Variants in RCBTB1 observed in about 807,000 individuals in gnomAD.
RCBTB1 encodes the protein RCC1 and BTB domain-containing protein 1.
Under a neutral mutation model 62.4 loss-of-function variants are expected in RCBTB1, and 46 were observed. The ratio of observed to expected loss-of-function variants is 0.74; its 90% confidence interval spans 0.58 to 0.94. The LOEUF is 0.94. Ranked by LOEUF, RCBTB1 falls within the 40% of genes least tolerant of loss-of-function variation. The pLI is 0.00. For missense variants in RCBTB1, 565 were observed against 654.9 expected (o/e 0.86, Z 1.50); for synonymous variants, 222 against 245.8 (o/e 0.90, Z 0.91).
At chr13:49,541,046 A>G in intron 11 of RCBTB1, 40 bp from the exon 12 acceptor site, 1 of 1,569,938 alleles carries the variant, frequency 6.4e-7, no homozygotes, top group Non-Finnish European at 8.7e-7. Context: ...CAAATGTATA[A>G]TAATTTCCAA....
At chr13:49,553,723 A>AGG (rs1019119182) in intron 6 of RCBTB1, among the ~76,000 whole-genome samples, 1 of 152,164 alleles carries the variant, frequency 6.6e-6, no homozygotes, top group Non-Finnish European at 1.5e-5. Context: ...TGGAGCGGAA[A>AGG]GGGGGAATGG....
intron 2 of RCBTB1, among the ~76,000 whole-genome samples, chr13:49,575,803 G>A (rs1328025540): frequency 6.6e-6 from 1 of 152,120 alleles, no homozygotes; most frequent in African/African-American, 2.4e-5. Context: ...CTCACTACCT[G>A]GGTGACGGAA....
intron 2 of RCBTB1, among the ~76,000 whole-genome samples, chr13:49,571,392 A>G (rs988867041): frequency 2.0e-5 from 3 of 152,212 alleles, no homozygotes; most frequent in African/African-American, 7.2e-5. Context: ...GCATTCCGCA[A>G]AATGCTTCTG....
chr13:49,544,207 C>A (rs1317909481), intron 10 of RCBTB1, among the ~76,000 whole-genome samples: 2 of 152,176 alleles, frequency 1.3e-5, no homozygotes, highest in Non-Finnish European at 2.9e-5. Flanking sequence ...TGGTAGCTCA[C>A]ATCTGTAATG....
intron 4 of RCBTB1, among the ~76,000 whole-genome samples, chr13:49,560,961 T>C (rs1169573753): frequency 6.6e-6 from 1 of 152,190 alleles, no homozygotes. Flanking sequence ...AGCACCTCGA[T>C]GTGGTCACCA....
intron 4 of RCBTB1, 90 bp from the exon 5 acceptor site, chr13:49,560,174 C>T (rs1245414003): frequency 1.4e-6 from 2 of 1,406,826 alleles, no homozygotes; most frequent in East Asian, 4.6e-5. Context: ...GCTCCTTCTC[C>T]AACCTTCATT....
chr13:49,549,910 C>G, intron 8 of RCBTB1: 3 of 985,388 alleles, frequency 3.0e-6, no homozygotes, highest in Non-Finnish European at 3.6e-6. Context: ...ACTTGGAAAA[C>G]AGACCAGCAA....
At chr13:49,575,270 T>C (rs948617792) in intron 2 of RCBTB1, among the ~76,000 whole-genome samples, 1 of 152,192 alleles carries the variant, frequency 6.6e-6, no homozygotes, top group African/African-American at 2.4e-5. Context: ...TTGGCGAGGC[T>C]GTACAGCAGA....
chr13:49,534,100 C>T lies in RCBTB1; in HGVS notation c.*22G>A. ...TCAACAGTGCCCCAGAGCACTCACA[C>T]AGAACCCAGCAGCCTTGCGCTTCAG... On this transcript the variant is annotated 3_prime_UTR_variant, in exon 13 of 13. Transcript: ENST00000378302. 6.2e-7 allele frequency: 1 copy of T among 1,610,542 alleles called. No individual in the cohort carries two copies. The highest frequency in any genetic ancestry group is 1.7e-4 in the Middle Eastern group (1 of 6,044).
Position 49,547,233 on chromosome 13 carries a change from G to A in RCBTB1, c.1045+2225C>T, listed in dbSNP as rs1438459023. 48 of 1,203,476 alleles carry A rather than the reference G, an allele frequency of 4.0e-5. No homozygotes were observed. In the East Asian group the frequency reaches 5.1e-4, roughly 13 times the overall value. The allele number at this position is 1,203,476 out of a possible 1,614,324, so 74.5% of individuals were successfully genotyped here. Reference sequence around the variant, plus strand: ...AACATGGCAAAAATAAAGTGAAAGGGAGTATTCAATTGGTTTCACTTTAAG... The same window carrying A: ...AACATGGCAAAAATAAAGTGAAAGGAAGTATTCAATTGGTTTCACTTTAAG... On this transcript the variant is annotated intron_variant, in intron 9 of 12. Transcript: ENST00000378302.
intron 9 of RCBTB1, among the ~76,000 whole-genome samples, chr13:49,545,171 C>A (rs112893956): frequency 0.014 from 2,189 of 152,034 alleles, 53 homozygotes; most frequent in African/African-American, 0.047. Context: ...AATATAATAA[C>A]CCCCTCTCAA....
Position 49,559,899 on chromosome 13 carries a change from AT to A in RCBTB1, c.444+18del, listed in dbSNP as rs1201022322. 6.3e-7 allele frequency: 1 copy of A among 1,589,772 alleles called. No individual in the cohort carries two copies. The highest frequency in any genetic ancestry group is 1.4e-5 in the African/African-American group (1 of 73,152). On this transcript the variant is annotated intron_variant, in intron 5 of 12. Coordinates refer to ENST00000378302, the MANE Select transcript of RCBTB1 (RefSeq NM_018191.4). Reference sequence around the variant, plus strand: ...TGATGAAAAAAAAAAAGAATAAAGAATAAAAGCAGCATACTTACCTCTCCAT... The same window carrying A: ...TGATGAAAAAAAAAAAGAATAAAGAAAAAAGCAGCATACTTACCTCTCCAT...
intron 2 of RCBTB1, 39 bp from the exon 3 acceptor site, chr13:49,567,359 G>A: frequency 6.7e-7 from 1 of 1,481,676 alleles, no homozygotes; most frequent in Non-Finnish European, 9.2e-7. Context: ...AAATTAAATA[G>A]TCACTGAGCT....
intron 4 of RCBTB1, 41 bp from the exon 5 acceptor site, chr13:49,560,125 A>C (rs1962318830): frequency 6.2e-7 from 1 of 1,601,500 alleles, no homozygotes; most frequent in African/African-American, 1.3e-5. Flanking sequence ...TCCAAAAAGA[A>C]ATAGTAACCC....
chr13:49,548,426 A>C (rs1961017312), intron 9 of RCBTB1, among the ~76,000 whole-genome samples: 1 of 151,492 alleles, frequency 6.6e-6, no homozygotes, highest in Non-Finnish European at 1.5e-5. Flanking sequence ...TTCATCTTTG[A>C]TTGGTATTAT....
At chr13:49,570,296 A>C (rs1045721602) in intron 2 of RCBTB1, among the ~76,000 whole-genome samples, 1 of 152,252 alleles carries the variant, frequency 6.6e-6, no homozygotes, top group Admixed American at 6.5e-5. Flanking sequence ...GCTAACCTTC[A>C]TAATGATGGG....
chr13:49,544,230 G>C (rs866136534), intron 10 of RCBTB1, among the ~76,000 whole-genome samples: 1 of 152,190 alleles, frequency 6.6e-6, no homozygotes, highest in Non-Finnish European at 1.5e-5. Context: ...AGCACTTTGG[G>C]AGGCTGAGGC....
intron 9 of RCBTB1, chr13:49,546,136 C>A: frequency 2.0e-6 from 2 of 985,300 alleles, no homozygotes; most frequent in Non-Finnish European, 2.4e-6. Context: ...TTGCTACCCC[C>A]ACCCATCCAA....
intron 2 of RCBTB1, among the ~76,000 whole-genome samples, chr13:49,568,648 CGGG>C (rs869218723): frequency 6.5e-4 from 36 of 55,446 alleles, no homozygotes; most frequent in African/African-American, 3.0e-3. Context: ...ATAATCAGGC[CGGG>C]GGAGGGGGGT....
Sources: allele counts gnomAD v4.1 joint callset (sites outside exome capture counted in the v4.1 genomes callset), GRCh38; gene constraint gnomAD v4.1.1; transcripts MANE v1.5; gene names NCBI Gene and HGNC (gene_info 2026-07-23, HGNC 2026-07-21).